The following TTLL6 variants were observed in gnomAD, a reference collection of about 807,000 sequenced individuals.
The protein encoded by TTLL6 is tubulin polyglutamylase TTLL6.
TTLL6 carries 75 observed loss-of-function variants against 96.4 expected under a neutral mutation model. The observed-to-expected ratio is 0.78, with a 90% CI of 0.65 to 0.94. TTLL6 has a LOEUF of 0.94. Ranked by LOEUF, TTLL6 falls within the 40% of genes least tolerant of loss-of-function variation. TTLL6 has a pLI of 0.00. For missense variants in TTLL6, 1,030 were observed against 1,093.0 expected, an observed-to-expected ratio of 0.94 and a Z score of 0.81; for synonymous variants, 411 against 419.4, an observed-to-expected ratio of 0.98 and a Z score of 0.24.
chr17:48,782,253 G>A (rs1030655977), intron 13 of TTLL6, among the ~76,000 whole-genome samples: 11 of 151,728 alleles, frequency 7.2e-5, no homozygotes, highest in African/African-American at 2.4e-4. Flanking sequence ...TTACAAGCGC[G>A]CACCACCACG....
chr17:48,812,064 A>ACCCCCCCCCCCCCCCCCCCCCCCCC (rs56757071), intron 1 of TTLL6: 2 of 76,140 alleles, frequency 2.6e-5, no homozygotes, highest in Non-Finnish European at 2.5e-5. Flanking sequence ...TGATGCTGGG[A>ACCCCCCCCCCCCCCCCCCCCCCCCC]CCCCCCCCCC....
intron 1 of TTLL6, among the ~76,000 whole-genome samples, chr17:48,812,561 G>T (rs2039611856): frequency 6.6e-6 from 1 of 152,132 alleles, no homozygotes; most frequent in African/African-American, 2.4e-5. Context: ...TTACTCATTT[G>T]ACTTAATGCA....
intron 9 of TTLL6, among the ~76,000 whole-genome samples, chr17:48,791,121 T>C (rs2039212674): frequency 6.6e-6 from 1 of 152,190 alleles, no homozygotes; most frequent in Non-Finnish European, 1.5e-5. Flanking sequence ...GTCTTTAGAA[T>C]CACTCTGTGC....
At position 48,797,061 on chromosome 17, in the gene TTLL6, C is replaced by T. The variant is rs1387714791; in HGVS notation, c.912G>A (p.Leu304=). The change falls in exon 7 of 16, where the codon CTG becomes CTA. Residue 304 remains leucine, a splice_region_variant and synonymous_variant. Coordinates refer to ENST00000393382, the MANE Select transcript of TTLL6 (RefSeq NM_001130918.3). ...TSYSRPCTDN[L]DDICMHLTNY... Reference sequence around the variant, plus strand: ...GAGGTAGTGTGTCTCCTTAGCTCACCAGGTTGTCTGTGCAAGGGCGGGAGT... The same window carrying T: ...GAGGTAGTGTGTCTCCTTAGCTCACTAGGTTGTCTGTGCAAGGGCGGGAGT... 2.6e-6 allele frequency: 4 copies of T among 1,550,358 alleles called. No individual in the cohort carries two copies. Among genetic ancestry groups the T allele is most frequent in the Non-Finnish European group, 3.5e-6 (4 of 1,146,514 alleles).
intron 8 of TTLL6, among the ~76,000 whole-genome samples, chr17:48,795,717 C>G (rs886067649): frequency 6.6e-6 from 1 of 152,142 alleles, no homozygotes; most frequent in Non-Finnish European, 1.5e-5. Context: ...ACGTGGCAGA[C>G]TAGCGATCAA....
At chr17:48,786,420 G>T in intron 11 of TTLL6, 85 bp from the exon 12 acceptor site, 1 of 1,548,602 alleles carries the variant, frequency 6.5e-7, no homozygotes, top group East Asian at 2.3e-5. Context: ...GGACATGACT[G>T]GGCGAAAAGT....
chr17:48,809,920 C>T (rs1334984139), intron 1 of TTLL6, among the ~76,000 whole-genome samples: 1 of 151,858 alleles, frequency 6.6e-6, no homozygotes, highest in African/African-American at 2.4e-5. Flanking sequence ...GAGGCCTCAA[C>T]TGAGGTCGGG....
chr17:48,763,167 GA>G (rs11302764), intron 15 of TTLL6, among the ~76,000 whole-genome samples, 194 bp from the exon 16 acceptor site: 38,948 of 151,870 alleles, frequency 0.26, 5,099 homozygotes, highest in Admixed American at 0.38. Flanking sequence ...TGAAATATTG[GA>G]TATGGATCAT....
rs2039465282 is a variant in TTLL6 at position 48,803,880 on chromosome 17, T to C, written c.361+11A>G. On this transcript the variant is annotated intron_variant, in intron 3 of 15. Coordinates refer to ENST00000393382, the MANE Select transcript of TTLL6 (RefSeq NM_001130918.3). Reference sequence around the variant, plus strand: ...GTCCCCATTATAGATCTCCTGAATGTAGATGCTCACCACTCTCATACCGGC... The same window carrying C: ...GTCCCCATTATAGATCTCCTGAATGCAGATGCTCACCACTCTCATACCGGC... 3.9e-6 allele frequency: 6 copies of C among 1,551,856 alleles called. No individual in the cohort carries two copies. Among genetic ancestry groups the C allele is most frequent in the Non-Finnish European group, 5.2e-6 (6 of 1,147,038 alleles).
intron 5 of TTLL6, chr17:48,799,971 C>G (rs1323814009): frequency 3.6e-6 from 2 of 561,384 alleles, no homozygotes; most frequent in Non-Finnish European, 3.2e-6. Context: ...GGTTGAAGCC[C>G]AAGCAACACC....
chr17:48,785,137 C>T lies in TTLL6; in HGVS notation c.1826G>A (p.Arg609Lys), dbSNP rs143006410. 4.3e-6 allele frequency: 7 copies of T among 1,614,170 alleles called. No individual in the cohort carries two copies. Among genetic ancestry groups the T allele is most frequent in the Non-Finnish European group, 5.9e-6 (7 of 1,180,036 alleles). ...GAGGCTGCTGTCTGTTTCATTTTTC[C>T]TTTCACCTCTGACACTCAAGAGCAA... ...PDLLLSVRGE[R>K]KNETDSSLNQ... The change falls in exon 13 of 16, where the codon AGG (arginine) becomes AAG (lysine). Residue 609 changes from arginine to lysine, a missense_variant. Coordinates refer to ENST00000393382, the MANE Select transcript of TTLL6 (RefSeq NM_001130918.3).
intron 13 of TTLL6, among the ~76,000 whole-genome samples, chr17:48,783,602 T>C (rs1448651478): frequency 6.6e-6 from 1 of 152,036 alleles, no homozygotes; most frequent in Non-Finnish European, 1.5e-5. Context: ...TGGCTAATTT[T>C]TGTATTTTAG....
chr17:48,768,320 G>T lies in TTLL6; in HGVS notation c.*669C>A, dbSNP rs142944359. ...GAGTCTCACTCTGTCACCCAGGCTG[G>T]AGTGCAGTGGCACAATCTCAGCTCA... On this transcript the variant is annotated intron_variant, in intron 15 of 15. Transcript: ENST00000393382. Among the ~76,000 whole-genome samples, 241 of 152,030 alleles carry T rather than the reference G, an allele frequency of 1.6e-3. 1 individual carries two copies. The highest frequency in any genetic ancestry group is 5.7e-3 in the African/African-American group (237 of 41,466).
At position 48,787,358 on chromosome 17, in the gene TTLL6, C is replaced by T. The variant is rs143881987; in HGVS notation, c.1589+453G>A. ...GGAATCTTCCAATTCCTTGTCCTTG[C>T]GAGACCAGGGCAGATGTTCATCTGG... On this transcript the variant is annotated intron_variant, in intron 11 of 15. Transcript: ENST00000393382. Among the ~76,000 whole-genome samples, 30 of 152,242 alleles carry T rather than the reference C, an allele frequency of 2.0e-4. 1 individual carries two copies. The highest frequency in any genetic ancestry group is 6.3e-4 in the African/African-American group (26 of 41,556).
chr17:48,785,180 C>G lies in TTLL6; in HGVS notation c.1783G>C (p.Val595Leu). The change falls in exon 13 of 16, where the codon GTA (valine) becomes CTA (leucine). Residue 595 changes from valine to leucine, a missense_variant. Coordinates refer to ENST00000393382, the MANE Select transcript of TTLL6 (RefSeq NM_001130918.3). The part of the protein sequence containing the change: ...SKQYIQPLTL[V>L]SYTPDLLLSV... ...AAGAGCAAGTCAGGTGTGTAGGATACTAATGTCAATGGCTGGATGTACTGA... is the reference window on the plus strand; with the variant it reads ...AAGAGCAAGTCAGGTGTGTAGGATAGTAATGTCAATGGCTGGATGTACTGA... The G allele has an allele frequency of 6.2e-7, 1 of 1,614,134 alleles. No individual in the cohort carries two copies. Among genetic ancestry groups the G allele is most frequent in the Non-Finnish European group, 8.5e-7 (1 of 1,180,042 alleles).
At chr17:48,804,211 A>G in intron 2 of TTLL6, 1 of 565,220 alleles carries the variant, frequency 1.8e-6, no homozygotes, top group Non-Finnish European at 3.3e-6. Flanking sequence ...TCATTGCCTC[A>G]AGCCTTTTAC....
intron 1 of TTLL6, among the ~76,000 whole-genome samples, chr17:48,813,433 C>G (rs2039622218): frequency 6.6e-6 from 1 of 152,070 alleles, no homozygotes; most frequent in African/African-American, 2.4e-5. Flanking sequence ...GTGGCGTGTG[C>G]CTGTAGTCCC....
At chr17:48,800,905 A>G (rs752471067) in intron 5 of TTLL6, among the ~76,000 whole-genome samples, 3 of 152,162 alleles carry the variant, frequency 2.0e-5, no homozygotes, top group Non-Finnish European at 4.4e-5. Flanking sequence ...GCTAACCACT[A>G]GCACACTCTC....
intron 13 of TTLL6, among the ~76,000 whole-genome samples, chr17:48,775,264 GA>G (rs1317846947): frequency 6.6e-6 from 1 of 151,084 alleles, no homozygotes; most frequent in Non-Finnish European, 1.5e-5. Context: ...GAAAATAGAA[GA>G]AAAAAAACAC....
Sources: gnomAD v4.1 joint callset for allele counts (sites outside exome capture counted in the v4.1 genomes callset) on GRCh38, gnomAD v4.1.1 for gene constraint, MANE v1.5 for transcripts, NCBI Gene and HGNC (gene_info 2026-07-23, HGNC 2026-07-21) for gene names.